MAP2K1: variants seen among roughly 807,000 people sequenced by gnomAD.
The protein encoded by MAP2K1 is dual specificity mitogen-activated protein kinase kinase 1.
Under a neutral mutation model 46.3 loss-of-function variants are expected in MAP2K1, and 16 were observed. That is an observed-to-expected ratio of 0.35 (90% CI 0.23 to 0.52). The LOEUF (loss-of-function observed/expected upper bound fraction) is 0.52. Among genes scored for constraint, MAP2K1 ranks in the 20% least tolerant of loss-of-function variants. The pLI is 0.94. For synonymous variants in MAP2K1, 183 were observed against 185.6 expected (o/e 0.99, Z 0.11); for missense variants, 263 against 497.1 (o/e 0.53, Z 4.48).
At chr15:66,442,767 C>T (rs1350533206) in intron 3 of MAP2K1, among the ~76,000 whole-genome samples, 1 of 152,204 alleles carries the variant, frequency 6.6e-6, no homozygotes, top group Non-Finnish European at 1.5e-5. Flanking sequence ...CAAGACTGCA[C>T]CACCACCAGT....
intron 1 of MAP2K1, among the ~76,000 whole-genome samples, chr15:66,395,145 A>G (rs2093364546): frequency 1.3e-5 from 2 of 152,192 alleles, no homozygotes; most frequent in Admixed American, 6.5e-5. Context: ...GCCTGAAACC[A>G]CAGATATCAA....
intron 3 of MAP2K1, among the ~76,000 whole-genome samples, chr15:66,440,716 CAAAAGCACCATTGACT>C (rs2093501438): frequency 6.6e-6 from 1 of 152,210 alleles, no homozygotes; most frequent in African/African-American, 2.4e-5. Context: ...AAAACCTTCA[CAAAAGCACCATTGACT>C]TAGTTAATAA....
intron 9 of MAP2K1, 70 bp downstream of exon 9, chr15:66,489,346 A>G: frequency 7.1e-7 from 1 of 1,405,556 alleles, no homozygotes; most frequent in African/African-American, 1.4e-5. Context: ...CATTTCTGGA[A>G]GCACCAGCAT....
At chr15:66,488,385 T>C (rs1034243884) in intron 8 of MAP2K1, among the ~76,000 whole-genome samples, 2 of 152,166 alleles carry the variant, frequency 1.3e-5, no homozygotes, top group African/African-American at 4.8e-5. Flanking sequence ...TGGGGATCAG[T>C]GTCTCATTTT....
chr15:66,481,427 C>T (rs1892913146), intron 5 of MAP2K1, among the ~76,000 whole-genome samples: 1 of 152,134 alleles, frequency 6.6e-6, no homozygotes, highest in Admixed American at 6.5e-5. Flanking sequence ...GTTGAAGCAA[C>T]AGACTTTGAA....
At chr15:66,428,762 A>C (rs1007244186) in intron 1 of MAP2K1, among the ~76,000 whole-genome samples, 4 of 135,768 alleles carry the variant, frequency 2.9e-5, no homozygotes, top group African/African-American at 1.1e-4. Context: ...CCCTTTTTTG[A>C]ATTTTCTTTC....
At chr15:66,477,145 G>A (rs144581101) in intron 5 of MAP2K1, among the ~76,000 whole-genome samples, 22 of 152,358 alleles carry the variant, frequency 1.4e-4, no homozygotes, top group African/African-American at 5.1e-4. Flanking sequence ...CTCCTAGGCA[G>A]TGTTTTTCCC....
At chr15:66,391,176 A>G (rs566313520) in intron 1 of MAP2K1, among the ~76,000 whole-genome samples, 1 of 151,762 alleles carries the variant, frequency 6.6e-6, no homozygotes, top group South Asian at 2.1e-4. Flanking sequence ...ATAGGTGGGT[A>G]CTACTGTGCC....
chr15:66,423,369 A>G (rs1266391355), intron 1 of MAP2K1, among the ~76,000 whole-genome samples: 1 of 151,750 alleles, frequency 6.6e-6, no homozygotes, highest in Non-Finnish European at 1.5e-5. Context: ...TTCTGTTTAT[A>G]GCTTATCTCT....
At chr15:66,408,314 G>A (rs773002129) in intron 1 of MAP2K1, among the ~76,000 whole-genome samples, 3 of 152,168 alleles carry the variant, frequency 2.0e-5, no homozygotes, top group Non-Finnish European at 4.4e-5. Context: ...ACAACACCGG[G>A]CATACTTGCA....
intron 5 of MAP2K1, among the ~76,000 whole-genome samples, chr15:66,455,725 C>T (rs1892149955): frequency 6.6e-6 from 1 of 152,238 alleles, no homozygotes; most frequent in South Asian, 2.1e-4. Flanking sequence ...AGCATGTTCT[C>T]ACCCTCATTC....
rs1468318378 is a variant in MAP2K1, at chr15:66,444,667, C to T, written c.528C>T (p.Gly176=). 1.2e-6 allele frequency: 2 copies of T among 1,610,544 alleles called. No individual in the cohort carries two copies. The highest frequency in any genetic ancestry group is 2.2e-5 in the East Asian group (1 of 44,846). The change falls in exon 5 of 11, where the codon GGC becomes GGT. Residue 176 remains glycine (G), a synonymous_variant. Coordinates refer to ENST00000307102, the MANE Select transcript of MAP2K1 (RefSeq NM_002755.4). ...TCCCTTTCCTCTAGGTAATAAAAGG[C>T]CTGACATATCTGAGGGAGAAGCACA... ...LGKVSIAVIK[G]LTYLREKHKI...
At chr15:66,461,107 G>A (rs891956886) in intron 5 of MAP2K1, among the ~76,000 whole-genome samples, 5 of 152,092 alleles carry the variant, frequency 3.3e-5, no homozygotes, top group African/African-American at 1.2e-4. Context: ...TTGAAAATCT[G>A]GACACATAGG....
At chr15:66,395,666 C>T (rs2088915268) in intron 1 of MAP2K1, among the ~76,000 whole-genome samples, 1 of 151,258 alleles carries the variant, frequency 6.6e-6, no homozygotes. Context: ...AACCTCTGCC[C>T]ACTGGGCTCA....
intron 8 of MAP2K1, chr15:66,489,011 A>G (rs1408891739): frequency 4.8e-6 from 3 of 621,034 alleles, no homozygotes; most frequent in African/African-American, 3.7e-5. Flanking sequence ...ATTTGAGATC[A>G]GTGGTTCCAA....
At chr15:66,388,806 CTCT>C (rs2093349496) in intron 1 of MAP2K1, among the ~76,000 whole-genome samples, 1 of 149,266 alleles carries the variant, frequency 6.7e-6, no homozygotes, top group Non-Finnish European at 1.5e-5. Context: ...CCAACAGACT[CTCT>C]TCTTTAGTCC....
intron 5 of MAP2K1, among the ~76,000 whole-genome samples, chr15:66,445,147 C>T (rs1019700289): frequency 6.6e-4 from 5 of 7,528 alleles, no homozygotes; most frequent in African/African-American, 6.1e-4. Flanking sequence ...CGAGGGGCAG[C>T]GGGGGGAGGT....
intron 1 of MAP2K1, among the ~76,000 whole-genome samples, chr15:66,397,560 A>G (rs1335687678): frequency 6.6e-6 from 1 of 152,208 alleles, no homozygotes; most frequent in African/African-American, 2.4e-5. Flanking sequence ...TCCTTCTTAG[A>G]AGGCTGAATG....
At chr15:66,457,428 A>C (rs1026344444) in intron 5 of MAP2K1, among the ~76,000 whole-genome samples, 1 of 152,166 alleles carries the variant, frequency 6.6e-6, no homozygotes, top group African/African-American at 2.4e-5. Flanking sequence ...CTGGAAATTC[A>C]GATTATTGTG....
Sources: allele counts gnomAD v4.1 joint callset (sites outside exome capture counted in the v4.1 genomes callset), GRCh38; gene constraint gnomAD v4.1.1; transcripts MANE v1.5; gene names NCBI Gene and HGNC (gene_info 2026-07-23, HGNC 2026-07-21).